The following PCDHA9 variants were observed in gnomAD, a reference collection of about 807,000 sequenced individuals.
PCDHA9 encodes the protein protocadherin alpha 9, also known as protocadherin alpha-9.
PCDHA9 carries 62 observed loss-of-function variants against 62.0 expected under a neutral mutation model. The observed-to-expected ratio is 1.00, with a 90% CI of 0.81 to 1.23. PCDHA9 has a LOEUF of 1.23. Ranked by LOEUF, PCDHA9 falls within the 50% of genes most tolerant of loss-of-function variation. PCDHA9 has a pLI of 0.00. For synonymous variants in PCDHA9, 557 were observed against 567.6 expected (o/e 0.98, Z 0.27); for missense variants, 1,205 against 1,249.8 (o/e 0.96, Z 0.54).
At position 140,914,532 on chromosome 5, in the gene PCDHA9, A is replaced by G. The variant is rs1440968686; in HGVS notation, c.2394+63643A>G. ...GTCATGTTTTTTCATCCATTCAGCC[A>G]CTTTATTTCTTTTTATTGGAGAGTT... On this transcript the variant is annotated intron_variant, in intron 1 of 3. Coordinates refer to ENST00000532602, the MANE Select transcript of PCDHA9 (RefSeq NM_031857.2). Among the ~76,000 whole-genome samples the G allele has an allele frequency of 3.3e-5, 5 of 152,070 alleles. 1 individual carries two copies. Among genetic ancestry groups the G allele is most frequent in the Admixed American group, 3.3e-4 (5 of 15,252 alleles).
intron 1 of PCDHA9, chr5:140,868,996 G>T: frequency 6.6e-7 from 1 of 1,516,608 alleles, no homozygotes; most frequent in South Asian, 1.4e-5. Flanking sequence ...CACCGTTTAA[G>T]GATCCTTTGA....
At chr5:140,967,029 G>C (rs1554229079) in intron 1 of PCDHA9, 4 of 1,608,938 alleles carry the variant, frequency 2.5e-6, no homozygotes, top group East Asian at 2.2e-5. Flanking sequence ...CCCAGTCCGC[G>C]CTACCTGGAG....
At chr5:140,852,683 T>C (rs2042437090) in intron 1 of PCDHA9, 5 of 971,736 alleles carry the variant, frequency 5.1e-6, no homozygotes, top group Non-Finnish European at 6.2e-6. Flanking sequence ...ACCTTGAATA[T>C]AGTCTTATAC....
chr5:140,964,857 CAA>C (rs1352009406), intron 1 of PCDHA9, among the ~76,000 whole-genome samples: 5 of 152,088 alleles, frequency 3.3e-5, no homozygotes, highest in Admixed American at 3.3e-4. Context: ...CTTGAGGAAA[CAA>C]AGAGGACAAA....
chr5:140,887,052 G>A (rs1187906559), intron 1 of PCDHA9, among the ~76,000 whole-genome samples: 1 of 151,228 alleles, frequency 6.6e-6, no homozygotes, highest in Non-Finnish European at 1.5e-5. Flanking sequence ...TAGTGCATAT[G>A]TTCTGGCAAC....
At chr5:140,858,247 G>A in intron 1 of PCDHA9, 2 of 1,596,540 alleles carry the variant, frequency 1.3e-6, no homozygotes, top group East Asian at 4.5e-5. Flanking sequence ...GTGGGCCGGT[G>A]AAGCCCACGC....
intron 3 of PCDHA9, among the ~76,000 whole-genome samples, chr5:140,986,633 C>T (rs566373023): frequency 5.9e-5 from 9 of 152,266 alleles, no homozygotes; most frequent in Admixed American, 3.3e-4. Context: ...GGCAACAGTA[C>T]ATTAGTTTTA....
chr5:140,942,588 A>T (rs1416575390), intron 1 of PCDHA9, among the ~76,000 whole-genome samples: 1 of 149,588 alleles, frequency 6.7e-6, no homozygotes, highest in South Asian at 2.1e-4. Flanking sequence ...AGGATGTCAC[A>T]TATAATTATA....
At chr5:140,853,463 A>G in intron 1 of PCDHA9, 1 of 972,934 alleles carries the variant, frequency 1.0e-6, no homozygotes, top group Non-Finnish European at 1.2e-6. Context: ...CCTTATATGC[A>G]TCTGTAGTTA....
chr5:140,957,257 T>C (rs2095345219), intron 1 of PCDHA9, among the ~76,000 whole-genome samples: 1 of 152,184 alleles, frequency 6.6e-6, no homozygotes, highest in Admixed American at 6.5e-5. Context: ...AATTTAAATA[T>C]GTAAGCACTA....
At position 140,967,577 on chromosome 5, in the gene PCDHA9, C is replaced by T. The variant is rs141338011; in HGVS notation, c.2395-11372C>T. Reference sequence around the variant, plus strand: ...TCGCGTCCAGCTACGGGAGGACTCACCCCCAGGCACATTGGTGGTGAAGCT... The same window carrying T: ...TCGCGTCCAGCTACGGGAGGACTCATCCCCAGGCACATTGGTGGTGAAGCT... On this transcript the variant is annotated intron_variant, in intron 1 of 3. Transcript: ENST00000532602. 11 of 1,614,016 alleles carry T rather than the reference C, an allele frequency of 6.8e-6. No homozygotes were observed. Among genetic ancestry groups the T allele is most frequent in the African/African-American group, 4.0e-5 (3 of 74,938 alleles).
chr5:140,873,706 G>T (rs1419666886), intron 1 of PCDHA9, among the ~76,000 whole-genome samples: 1 of 152,132 alleles, frequency 6.6e-6, no homozygotes, highest in Non-Finnish European at 1.5e-5. Context: ...TATCACCCAG[G>T]CTGGTGTGCA....
chr5:140,899,268 C>T (rs2067238736), intron 1 of PCDHA9, among the ~76,000 whole-genome samples: 1 of 152,078 alleles, frequency 6.6e-6, no homozygotes, highest in Non-Finnish European at 1.5e-5. Context: ...TGTCTTGTGG[C>T]AGTTTTCAAA....
rs375103611 is a variant in PCDHA9 at position 140,888,367 on chromosome 5, A to G, written c.2394+37478A>G. ...AGGGAATTGCTACTGGCATCTAATAATGGAGCTCTGAGATGCTGCTAAACA... is the reference window on the plus strand; with the variant it reads ...AGGGAATTGCTACTGGCATCTAATAGTGGAGCTCTGAGATGCTGCTAAACA... On this transcript the variant is annotated intron_variant, in intron 1 of 3. Coordinates refer to ENST00000532602, the MANE Select transcript of PCDHA9 (RefSeq NM_031857.2). 3.2e-4 allele frequency among the ~76,000 whole-genome samples: 49 copies of G among 152,322 alleles called. 1 individual carries two copies. In the East Asian group the frequency reaches 7.7e-3, roughly 24 times the overall value.
In PCDHA9 at chr5:140,856,939, G is replaced by A. The variant is rs1554149308; in HGVS notation, c.2394+6050G>A. The stretch of plus-strand genomic sequence containing the variant: ...GAAGGAAATTTTGGATAAACGAAAG[G>A]ACGGGAGAAATAAAAGTAAATGATG... On this transcript the variant is annotated intron_variant, in intron 1 of 3. Coordinates refer to ENST00000532602, the MANE Select transcript of PCDHA9 (RefSeq NM_031857.2). 1.9e-6 allele frequency: 3 copies of A among 1,593,866 alleles called. No homozygotes were observed. The East Asian group carries it at 6.7e-5, about 36-fold the overall frequency.
chr5:140,929,364 A>C (rs782443919), intron 1 of PCDHA9: 3 of 1,521,318 alleles, frequency 2.0e-6, no homozygotes, highest in Admixed American at 2.2e-5. Flanking sequence ...TTTGGCCCGG[A>C]GATGGCTGCT....
chr5:140,856,933 C>A (rs1554149303), intron 1 of PCDHA9: 5 of 1,593,874 alleles, frequency 3.1e-6, no homozygotes, highest in East Asian at 4.5e-5. Flanking sequence ...TTTGGATAAA[C>A]GAAAGGACGG....
chr5:140,902,996 A>G (rs2069931370), intron 1 of PCDHA9, among the ~76,000 whole-genome samples: 1 of 152,126 alleles, frequency 6.6e-6, no homozygotes, highest in Admixed American at 6.6e-5. Context: ...TATTTTTGCA[A>G]TTGTGAATTG....
At chr5:140,881,239 A>G in intron 1 of PCDHA9, 1 of 370,812 alleles carries the variant, frequency 2.7e-6, no homozygotes. Flanking sequence ...AGTCAATTTA[A>G]ATGACGGCAA....
Sources: gnomAD v4.1 joint callset for allele counts (sites outside exome capture counted in the v4.1 genomes callset) on GRCh38, gnomAD v4.1.1 for gene constraint, MANE v1.5 for transcripts, NCBI Gene and HGNC (gene_info 2026-07-23, HGNC 2026-07-21) for gene names.